Variants in PKNOX2 observed in about 807,000 individuals in gnomAD.
PKNOX2 encodes PBX/knotted 1 homeobox 2.
Under a neutral mutation model 53.1 loss-of-function variants are expected in PKNOX2, and 14 were observed. The ratio of observed to expected loss-of-function variants is 0.26; its 90% CI spans 0.17 to 0.41. The LOEUF is 0.41. PKNOX2 is among the 10% of genes least tolerant of loss of function. PKNOX2 has a pLI of 1.00. For missense variants in PKNOX2, 496 were observed against 602.8 expected (o/e 0.82, Z 1.85); for synonymous variants, 257 against 242.8 (o/e 1.06, Z -0.54).
At position 125,199,832 on chromosome 11, in the gene PKNOX2, G is replaced by T. The variant is rs567455635; in HGVS notation, c.-201+35056G>T. Among the ~76,000 whole-genome samples the T allele has an allele frequency of 5.3e-5, 8 of 152,312 alleles. 1 individual carries two copies. Among genetic ancestry groups the T allele is most frequent in the African/African-American group, 1.7e-4 (7 of 41,582 alleles). The stretch of plus-strand genomic sequence containing the variant: ...ACTTCACTCCAGCCTGAGTGACAAA[G>T]CAGAACTCTGTCTCAAAAATACAAA... On this transcript the variant is annotated intron_variant, in intron 1 of 12. Coordinates refer to ENST00000298282, the MANE Select transcript of PKNOX2 (RefSeq NM_001382323.2).
In PKNOX2 at chr11:125,368,057, AT is replaced by A. The variant is rs199874498; in HGVS notation, c.227+73del. The A allele has an allele frequency of 2.1e-3, 3,170 of 1,540,972 alleles. 68 individuals are homozygous for A. The African/African-American group carries it at 0.039, about 19-fold the overall frequency. On this transcript the variant is annotated intron_variant, in intron 5 of 12. Coordinates refer to ENST00000298282, the MANE Select transcript of PKNOX2 (RefSeq NM_001382323.2). ...CCCAGCTCAGCTGTGAGGGATGAGA[AT>A]GCAGGCCAAAGGGTGGGCTCGGCAG...
intron 3 of PKNOX2, among the ~76,000 whole-genome samples, chr11:125,342,342 C>A (rs995467000): frequency 6.6e-6 from 1 of 152,080 alleles, no homozygotes; most frequent in Admixed American, 6.5e-5. Flanking sequence ...CAGGGTCCCT[C>A]GCCTCCATGC....
chr11:125,216,838 G>A (rs766041036), intron 1 of PKNOX2, among the ~76,000 whole-genome samples: 10 of 152,140 alleles, frequency 6.6e-5, no homozygotes, highest in Non-Finnish European at 1.3e-4. Context: ...GCTGGCCTGA[G>A]CAGCCTGCAA....
Position 125,430,148 on chromosome 11 carries a change from A to C in PKNOX2, c.1192+7A>C, listed in dbSNP as rs1956627507. 1 of 1,613,350 alleles carries C rather than the reference A, an allele frequency of 6.2e-7. No individual in the cohort carries two copies. The highest frequency in any genetic ancestry group is 1.1e-5 in the South Asian group (1 of 90,978). On this transcript the variant is annotated splice_region_variant and intron_variant, in intron 12 of 12. Transcript: ENST00000298282. ...CCAGGGACAAACCCCGATGGTAAGAACTGGGGCTGAGTGCACCCTAGACAA... is the reference window on the plus strand; with the variant it reads ...CCAGGGACAAACCCCGATGGTAAGACCTGGGGCTGAGTGCACCCTAGACAA...
intron 1 of PKNOX2, among the ~76,000 whole-genome samples, chr11:125,184,696 C>G (rs1230026879): frequency 1.3e-5 from 2 of 152,184 alleles, no homozygotes; most frequent in East Asian, 3.9e-4. Context: ...TCCCTGCCCT[C>G]TCCTCAGAAC....
intron 5 of PKNOX2, among the ~76,000 whole-genome samples, chr11:125,380,193 G>C (rs1260829414): frequency 6.6e-6 from 1 of 152,184 alleles, no homozygotes; most frequent in East Asian, 1.9e-4. Context: ...TGCTAAATTA[G>C]GCCATTAGAG....
intron 2 of PKNOX2, among the ~76,000 whole-genome samples, chr11:125,247,432 G>A (rs959587441): frequency 1.3e-5 from 2 of 152,120 alleles, no homozygotes; most frequent in Admixed American, 1.3e-4. Flanking sequence ...CTAGTGAAGG[G>A]CACTAGAGGC....
chr11:125,245,802 C>T (rs1943517130), intron 2 of PKNOX2, among the ~76,000 whole-genome samples: 2 of 152,156 alleles, frequency 1.3e-5, no homozygotes. Context: ...CTGAGTTTCT[C>T]AGTACTGAGT....
Position 125,231,718 on chromosome 11 carries a change from T to G in PKNOX2, c.-200-3327T>G, listed in dbSNP as rs937515033. On this transcript the variant is annotated intron_variant, in intron 1 of 12. Transcript: ENST00000298282. ...ATGTGCTTACACACACAGGTGTGTG[T>G]GGGGGGTGTGTGTGTGTGTGTGGAG... 5.3e-5 allele frequency among the ~76,000 whole-genome samples: 8 copies of G among 151,436 alleles called. No individual in the cohort carries two copies. The South Asian group carries it at 8.3e-4, about 16-fold the overall frequency.
chr11:125,386,871 G>T (rs771421321), intron 6 of PKNOX2, among the ~76,000 whole-genome samples: 7,212 of 152,186 alleles, frequency 0.047, 213 homozygotes, highest in Middle Eastern at 0.065. Context: ...GCTGCCAGGA[G>T]AGCCCACCCT....
intron 1 of PKNOX2, among the ~76,000 whole-genome samples, chr11:125,211,969 C>A (rs1214740376): frequency 6.6e-6 from 1 of 152,050 alleles, no homozygotes; most frequent in Non-Finnish European, 1.5e-5. Context: ...TTTGGCATTG[C>A]CTTTTCCTTT....
intron 1 of PKNOX2, among the ~76,000 whole-genome samples, chr11:125,180,477 G>A (rs768280637): frequency 2.1e-4 from 32 of 152,338 alleles, no homozygotes; most frequent in Middle Eastern, 3.4e-3. Context: ...TTGACTCATG[G>A]AATGTCAGAA....
At chr11:125,265,147 C>T (rs990477266) in intron 2 of PKNOX2, among the ~76,000 whole-genome samples, 1 of 152,010 alleles carries the variant, frequency 6.6e-6, no homozygotes, top group African/African-American at 2.4e-5. Context: ...ATTAGCCAGG[C>T]GTGATGGTGG....
At chr11:125,300,287 T>C (rs1332934230) in intron 2 of PKNOX2, among the ~76,000 whole-genome samples, 4 of 152,240 alleles carry the variant, frequency 2.6e-5, no homozygotes, top group Non-Finnish European at 5.9e-5. Flanking sequence ...CCACTACTAC[T>C]ACTAATAATA....
chr11:125,332,935 G>C (rs767719490), intron 3 of PKNOX2, among the ~76,000 whole-genome samples: 46 of 152,320 alleles, frequency 3.0e-4, no homozygotes, highest in Non-Finnish European at 5.7e-4. Context: ...TGTCTGGGGA[G>C]CTCTGTGTTC....
chr11:125,340,381 G>A (rs529750832), intron 3 of PKNOX2, among the ~76,000 whole-genome samples: 2 of 152,306 alleles, frequency 1.3e-5, no homozygotes, highest in Admixed American at 1.3e-4. Context: ...GTTTCTAGGA[G>A]TCTCAGTCCT....
chr11:125,328,112 G>T (rs1949931424), intron 2 of PKNOX2, among the ~76,000 whole-genome samples: 1 of 152,258 alleles, frequency 6.6e-6, no homozygotes, highest in South Asian at 2.1e-4. Flanking sequence ...CACCAGGAGG[G>T]ACACAATGAA....
chr11:125,279,720 C>T (rs756280708), intron 2 of PKNOX2, among the ~76,000 whole-genome samples: 12 of 152,242 alleles, frequency 7.9e-5, no homozygotes, highest in Non-Finnish European at 1.6e-4. Context: ...CCCCTTTTGC[C>T]ACCCAGAGTA....
At chr11:125,369,402 C>G (rs1591545132) in intron 5 of PKNOX2, among the ~76,000 whole-genome samples, 1 of 152,182 alleles carries the variant, frequency 6.6e-6, no homozygotes, top group African/African-American at 2.4e-5. Flanking sequence ...GCTAGCCACC[C>G]CAGTGTGGGA....
Sources: allele counts gnomAD v4.1 joint callset (sites outside exome capture counted in the v4.1 genomes callset), GRCh38; gene constraint gnomAD v4.1.1; transcripts MANE v1.5; gene names NCBI Gene and HGNC (gene_info 2026-07-23, HGNC 2026-07-21).